The following EPG5 variants were observed in gnomAD, a reference collection of about 807,000 sequenced individuals.
EPG5 encodes ectopic P granules protein 5 homolog.
A neutral mutation model predicts 302.7 loss-of-function variants in EPG5; 159 were observed. That is an observed-to-expected ratio of 0.53 (90% confidence interval 0.46 to 0.60). The LOEUF (loss-of-function observed/expected upper bound fraction) is 0.60, where lower values mean the gene tolerates loss of function less well. Ranked by LOEUF, EPG5 falls within the 20% of genes least tolerant of loss-of-function variation. The pLI is 0.00. For missense variants in EPG5, 2,896 were observed against 3,092.4 expected, an observed-to-expected ratio of 0.94 and a Z score of 1.51; for synonymous variants, 1,158 against 1,136.8, an observed-to-expected ratio of 1.02 and a Z score of -0.37.
chr18:45,947,407 C>T (rs2050806666), intron 6 of EPG5, among the ~76,000 whole-genome samples: 1 of 151,450 alleles, frequency 6.6e-6, no homozygotes, highest in African/African-American at 2.4e-5. Flanking sequence ...GAGAGACTCC[C>T]TCTCAAAAAA....
Position 45,858,779 on chromosome 18 carries a change from G to C in EPG5, c.7013C>G (p.Pro2338Arg), listed in dbSNP as rs2048570351. 1.9e-6 allele frequency: 3 copies of C among 1,611,216 alleles called. No individual in the cohort carries two copies. Among genetic ancestry groups the C allele is most frequent in the Non-Finnish European group, 2.5e-6 (3 of 1,177,470 alleles). Residue 2338 changes from proline to arginine, a missense_variant, in exon 41 of 44, where the codon CCT becomes CGT. By Grantham distance (103) the Pro-to-Arg change is moderately radical (BLOSUM62 -2). Coordinates refer to ENST00000282041, the MANE Select transcript of EPG5 (RefSeq NM_020964.3). ...TCCCCATCCTGAATTCTGATTGAGA[G>C]GGCCTAAGAACATGAAGAAGAGACA... is the stretch of plus-strand genomic sequence containing the variant. ...ACITAYFKES[P>R]LNQNSGWGPI...
chr18:45,874,570 G>A (rs962004830), intron 35 of EPG5, among the ~76,000 whole-genome samples: 1 of 152,182 alleles, frequency 6.6e-6, no homozygotes, highest in African/African-American at 2.4e-5. Context: ...GAGAGAGAAT[G>A]AGAGCCAAGC....
At chr18:45,930,577 A>G (rs530129293) in intron 12 of EPG5, 99 bp downstream of exon 12, 639 of 958,826 alleles carry the variant, frequency 6.7e-4, no homozygotes, top group Non-Finnish European at 6.8e-4. Context: ...CAGTAGCTAA[A>G]TAAGTCACAA....
rs2048392183 is a variant in EPG5, at chr18:45,849,085, A to AG, written c.*3381_*3382insC. 6.6e-6 allele frequency: 1 copy of AG among 151,040 alleles called. No homozygotes were observed. Among genetic ancestry groups the AG allele is most frequent in the Non-Finnish European group, 1.5e-5 (1 of 67,680 alleles). The allele number at this position is 151,040 out of a possible 1,614,324, so 9.4% of individuals were successfully genotyped here. Reference sequence around the variant, plus strand: ...GGTGACAGATGAGACTCGTCTCAAAAAAAAAAAAAAAAAAAAGACATTGGG... The same window carrying AG: ...GGTGACAGATGAGACTCGTCTCAAAAGAAAAAAAAAAAAAAAAGACATTGGG... On this transcript the variant is annotated 3_prime_UTR_variant, in exon 44 of 44. Coordinates refer to ENST00000282041, the MANE Select transcript of EPG5 (RefSeq NM_020964.3).
chr18:45,801,045 C>A, the EPG5 span, among the ~76,000 whole-genome samples: 1 of 151,810 alleles, frequency 6.6e-6, no homozygotes, highest in Non-Finnish European at 1.5e-5. Flanking sequence ...GGTTGTTTTT[C>A]GGTTTTTTTG....
downstream of EPG5, among the ~76,000 whole-genome samples, chr18:45,844,383 G>T (rs561857508): frequency 6.6e-6 from 1 of 152,046 alleles, no homozygotes; most frequent in Non-Finnish European, 1.5e-5. Context: ...ACAACTTATT[G>T]TATATTTTAA....
intron 24 of EPG5, among the ~76,000 whole-genome samples, chr18:45,905,762 T>C (rs1474718292): frequency 6.6e-6 from 1 of 152,188 alleles, no homozygotes; most frequent in Non-Finnish European, 1.5e-5. Context: ...AAGCAATTAA[T>C]TCTGTTGATG....
chr18:45,807,532 C>CACAG, the EPG5 span, among the ~76,000 whole-genome samples: 41 of 152,312 alleles, frequency 2.7e-4, no homozygotes, highest in East Asian at 7.3e-3. Flanking sequence ...CTGAGAGACC[C>CACAG]ACAGACGGTT....
the EPG5 span, chr18:45,837,185 G>A: frequency 1.9e-6 from 3 of 1,543,518 alleles, no homozygotes; most frequent in African/African-American, 4.1e-5. Context: ...TTTTGATGGG[G>A]AAAAACTAAG....
At chr18:45,889,077 C>T (rs1276062242) in intron 28 of EPG5, among the ~76,000 whole-genome samples, 1 of 152,196 alleles carries the variant, frequency 6.6e-6, no homozygotes. Context: ...TCTCCTCCTT[C>T]CCAGGAGCCC....
At chr18:45,858,523 CA>C in intron 41 of EPG5, 42 bp downstream of exon 41, 1 of 1,496,826 alleles carries the variant, frequency 6.7e-7, no homozygotes, top group Non-Finnish European at 9.3e-7. Context: ...CCAAGTTAAC[CA>C]AATACAGCAA....
intron 38 of EPG5, among the ~76,000 whole-genome samples, chr18:45,866,322 T>C (rs147496237): frequency 0.036 from 5,467 of 152,194 alleles, 224 homozygotes; most frequent in Admixed American, 0.13. Flanking sequence ...GCTTTCACCA[T>C]GTTGGCCAGG....
intron 9 of EPG5, among the ~76,000 whole-genome samples, chr18:45,940,245 A>C (rs1023856517): frequency 2.0e-5 from 3 of 152,212 alleles, no homozygotes; most frequent in African/African-American, 7.2e-5. Context: ...CAAGGAGGCC[A>C]ATGTGCTGAG....
the EPG5 span, among the ~76,000 whole-genome samples, chr18:45,839,396 G>C: frequency 1.3e-5 from 2 of 152,294 alleles, no homozygotes; most frequent in East Asian, 3.9e-4. Context: ...CTACCACCCG[G>C]TAAACGATTC....
intron 1 of EPG5, among the ~76,000 whole-genome samples, chr18:45,965,058 C>T (rs535070561): frequency 3.3e-4 from 50 of 152,268 alleles, no homozygotes; most frequent in Non-Finnish European, 5.4e-4. Flanking sequence ...TCCACTACAG[C>T]CGTTTAAAAA....
intron 27 of EPG5, among the ~76,000 whole-genome samples, chr18:45,895,162 G>C (rs2049442690): frequency 1.3e-5 from 2 of 152,194 alleles, no homozygotes; most frequent in Non-Finnish European, 2.9e-5. Context: ...AGGGTAACTG[G>C]AAGTGATGAT....
the EPG5 span, among the ~76,000 whole-genome samples, chr18:45,800,807 C>G: frequency 6.6e-6 from 1 of 152,112 alleles, no homozygotes; most frequent in Non-Finnish European, 1.5e-5. Flanking sequence ...CTGGCTGCAT[C>G]TGAGATCAAA....
chr18:45,934,239 A>ATCTT (rs2050466185), intron 11 of EPG5, among the ~76,000 whole-genome samples: 1 of 152,170 alleles, frequency 6.6e-6, no homozygotes, highest in Non-Finnish European at 1.5e-5. Context: ...CAGTCAGCCA[A>ATCTT]GAGCACACCA....
chr18:45,879,976 C>T (rs995617716), intron 32 of EPG5, 99 bp downstream of exon 32: 1 of 1,353,882 alleles, frequency 7.4e-7, no homozygotes. Context: ...ACACATGGCT[C>T]TTAAAGATAA....
Sources: allele counts gnomAD v4.1 joint callset (sites outside exome capture counted in the v4.1 genomes callset), GRCh38; gene constraint gnomAD v4.1.1; transcripts MANE v1.5; gene names NCBI Gene and HGNC (gene_info 2026-07-23, HGNC 2026-07-21).